The following CAPN7 variants were observed in gnomAD, a reference collection of about 807,000 sequenced individuals.
CAPN7 encodes calpain 7.
In CAPN7, 72 loss-of-function variants were observed where a neutral mutation model predicts 115.2. The ratio of observed to expected loss-of-function variants is 0.63; its 90% CI spans 0.52 to 0.76. The LOEUF (loss-of-function observed/expected upper bound fraction) is 0.76, where lower values mean the gene tolerates loss of function less well. CAPN7 is among the 30% of genes least tolerant of loss of function. CAPN7 has a pLI of 0.00. For synonymous variants in CAPN7, 344 were observed against 322.3 expected (o/e 1.07, Z -0.72); for missense variants, 905 against 971.5 (o/e 0.93, Z 0.91).
chr3:15,214,972 G>T (rs1045601601), intron 2 of CAPN7, among the ~76,000 whole-genome samples: 10 of 152,182 alleles, frequency 6.6e-5, no homozygotes, highest in African/African-American at 2.4e-4. Context: ...TTGCTAAAAA[G>T]TCTCCCACAA....
At chr3:15,228,489 A>G (rs559290126) in intron 7 of CAPN7, among the ~76,000 whole-genome samples, 1 of 152,232 alleles carries the variant, frequency 6.6e-6, no homozygotes, top group Non-Finnish European at 1.5e-5. Context: ...GACAGATTGG[A>G]TGAAGAAAAT....
rs955820587 is a variant in CAPN7, at chr3:15,252,850, A to G, written c.*1590A>G. The G allele has an allele frequency of 7.7e-6, 1 of 129,654 alleles. No individual in the cohort carries two copies. The highest frequency in any genetic ancestry group is 4.9e-5 in the African/African-American group (1 of 20,504). 8.0% of individuals were successfully genotyped at this position (129,654 alleles called of 1,614,324 possible). ...ACAGGTTACTGACCATTGAGTGTTT[A>G]CTATGTACCCAATGTGTATATTTTT... On this transcript the variant is annotated 3_prime_UTR_variant, in exon 21 of 21. Transcript: ENST00000253693.
intron 15 of CAPN7, 84 bp from the exon 16 acceptor site, chr3:15,242,094 G>T: frequency 2.4e-6 from 2 of 848,234 alleles, no homozygotes. Flanking sequence ...GAGATTTAGA[G>T]CATTTTTTTG....
chr3:15,233,333 C>G (rs746478056), intron 10 of CAPN7, among the ~76,000 whole-genome samples: 2 of 152,190 alleles, frequency 1.3e-5, no homozygotes, highest in African/African-American at 2.4e-5. Flanking sequence ...CTTGACTTTT[C>G]CAGTTTTATG....
At chr3:15,233,835 A>G (rs373752118) in intron 10 of CAPN7, 32 bp from the exon 11 acceptor site, 53 of 1,126,582 alleles carry the variant, frequency 4.7e-5, no homozygotes, top group East Asian at 1.7e-4. Context: ...TGAAAATGAC[A>G]CTGGCAGTCC....
At chr3:15,232,048 G>T (rs898041697) in intron 9 of CAPN7, 122 of 287,480 alleles carry the variant, frequency 4.2e-4, no homozygotes, top group African/African-American at 2.7e-3. Context: ...TCCCTTATCC[G>T]AAATACTTGG....
At chr3:15,206,830 C>G (rs2044654553) in intron 1 of CAPN7, among the ~76,000 whole-genome samples, 2 of 152,240 alleles carry the variant, frequency 1.3e-5, no homozygotes, top group South Asian at 4.1e-4. Flanking sequence ...CACCTGTAGT[C>G]CTGACTGGCA....
At chr3:15,210,167 ATTT>A (rs556065350) in intron 1 of CAPN7, among the ~76,000 whole-genome samples, 1 of 146,656 alleles carries the variant, frequency 6.8e-6, no homozygotes, top group African/African-American at 2.5e-5. Context: ...TACCTGGCTA[ATTT>A]TTTTTTTTTC....
intron 6 of CAPN7, 123 bp from the exon 7 acceptor site, chr3:15,227,713 ATTT>A: frequency 2.2e-6 from 1 of 456,740 alleles, no homozygotes; most frequent in Non-Finnish European, 3.7e-6. Context: ...CCAGAAGGTT[ATTT>A]TAAGATAATA....
At chr3:15,234,891 C>A in intron 11 of CAPN7, 134 bp from the exon 12 acceptor site, 3 of 583,006 alleles carry the variant, frequency 5.1e-6, no homozygotes, top group Non-Finnish European at 8.5e-6. Flanking sequence ...TAGAAATGTA[C>A]TTCTTTTTGA....
chr3:15,244,199 C>T (rs1695523349), intron 16 of CAPN7, among the ~76,000 whole-genome samples: 1 of 152,150 alleles, frequency 6.6e-6, no homozygotes, highest in African/African-American at 2.4e-5. Context: ...TGGCATTCTT[C>T]CCTATTACAA....
chr3:15,249,694 T>C (rs918052343), intron 19 of CAPN7, among the ~76,000 whole-genome samples: 6 of 152,304 alleles, frequency 3.9e-5, no homozygotes, highest in East Asian at 3.9e-4. Flanking sequence ...TAAGTACTTC[T>C]GTAAATTCAG....
chr3:15,235,904 C>T (rs78353195), intron 12 of CAPN7, among the ~76,000 whole-genome samples: 9 of 152,160 alleles, frequency 5.9e-5, no homozygotes, highest in East Asian at 5.8e-4. Context: ...TTTATAATCC[C>T]GATACTTTGG....
intron 19 of CAPN7, 45 bp from the exon 20 acceptor site, chr3:15,250,886 G>A (rs1695968572): frequency 1.5e-6 from 2 of 1,314,486 alleles, no homozygotes; most frequent in Non-Finnish European, 1.1e-6. Context: ...AATCACGTTT[G>A]AGAATATATA....
At position 15,227,831 on chromosome 3, in the gene CAPN7, T is replaced by C; in HGVS notation, c.726-8T>C. On this transcript the variant is annotated splice_polypyrimidine_tract_variant and splice_region_variant and intron_variant, in intron 6 of 20. Coordinates refer to ENST00000253693, the MANE Select transcript of CAPN7 (RefSeq NM_014296.3). ...ATTTTTTTATTTTAATTTTTATTATTACCTCAGTGATAGATGGGGCAAGCT... is the reference window on the plus strand; with the variant it reads ...ATTTTTTTATTTTAATTTTTATTATCACCTCAGTGATAGATGGGGCAAGCT... 6.9e-7 allele frequency: 1 copy of C among 1,442,970 alleles called. No homozygotes were observed. Among genetic ancestry groups the C allele is most frequent in the South Asian group, 1.5e-5 (1 of 67,354 alleles). 89.4% of individuals were successfully genotyped at this position (1,442,970 alleles called of 1,614,324 possible).
chr3:15,239,000 T>G (rs1695182246), intron 12 of CAPN7, among the ~76,000 whole-genome samples: 1 of 152,050 alleles, frequency 6.6e-6, no homozygotes, highest in African/African-American at 2.4e-5. Flanking sequence ...TAGCAACAAT[T>G]TGCTCTCCTT....
At chr3:15,230,012 A>G (rs559426607) in intron 8 of CAPN7, among the ~76,000 whole-genome samples, 1 of 152,276 alleles carries the variant, frequency 6.6e-6, no homozygotes, top group East Asian at 1.9e-4. Context: ...GAAAATTGAT[A>G]CTGATAGTTG....
chr3:15,240,653 C>T, intron 13 of CAPN7, 36 bp downstream of exon 13: 2 of 1,560,750 alleles, frequency 1.3e-6, no homozygotes, highest in Non-Finnish European at 1.7e-6. Flanking sequence ...ACCATTTATT[C>T]TTCAAAAAAA....
In CAPN7 at chr3:15,249,778, T is replaced by G. The variant is rs565990407; in HGVS notation, c.2205-1153T>G. On this transcript the variant is annotated intron_variant, in intron 19 of 20. Coordinates refer to ENST00000253693, the MANE Select transcript of CAPN7 (RefSeq NM_014296.3). ...TACAATAACAATTTTTTTTTTCTTT[T>G]TTTTTTGAGACAGAGTCTTGCTCTG... Among the ~76,000 whole-genome samples, 15 of 151,918 alleles carry G rather than the reference T, an allele frequency of 9.9e-5. No individual in the cohort carries two copies. The East Asian group carries it at 2.9e-3, about 30-fold the overall frequency.
Sources: gnomAD v4.1 joint callset for allele counts (sites outside exome capture counted in the v4.1 genomes callset) on GRCh38, gnomAD v4.1.1 for gene constraint, MANE v1.5 for transcripts, NCBI Gene and HGNC (gene_info 2026-07-23, HGNC 2026-07-21) for gene names.